Variants in ERC2 observed in about 807,000 individuals in gnomAD.
ERC2 encodes the protein ERC protein 2.
A neutral mutation model predicts 114.8 loss-of-function variants in ERC2; 42 were observed. The ratio of observed to expected loss-of-function variants is 0.37; its 90% confidence interval spans 0.29 to 0.47. The LOEUF (loss-of-function observed/expected upper bound fraction) is 0.47, where lower values mean the gene tolerates loss of function less well. Ranked by LOEUF, ERC2 falls within the 20% of genes least tolerant of loss-of-function variation. The probability of loss-of-function intolerance (pLI) is 0.99; values close to 1 mark genes in which losing one functional copy is unlikely to be tolerated. For missense variants in ERC2, 939 were observed against 1,150.7 expected (o/e 0.82, Z 2.66); for synonymous variants, 454 against 425.5 (o/e 1.07, Z -0.82).
At position 55,732,114 on chromosome 3, in the gene ERC2, T is replaced by A. The variant is rs1258118508; in HGVS notation, c.2712+2657A>T. On this transcript the variant is annotated intron_variant, in intron 15 of 17. Transcript: ENST00000288221. ...GTTATTCCACACCCTGAGCCTCAGT[T>A]ATGCTCCCTAGAAAAGGGAGATAAT... Among the ~76,000 whole-genome samples the A allele has an allele frequency of 3.3e-5, 5 of 152,164 alleles. No individual in the cohort carries two copies. In the East Asian group the frequency reaches 9.7e-4, roughly 29 times the overall value.
intron 9 of ERC2, among the ~76,000 whole-genome samples, chr3:56,009,949 A>G (rs1427292853): frequency 2.0e-5 from 3 of 152,234 alleles, no homozygotes; most frequent in Non-Finnish European, 4.4e-5. Flanking sequence ...CCAGAAGAGC[A>G]GCCACACTTA....
chr3:56,092,401 C>A (rs978601462), intron 6 of ERC2, among the ~76,000 whole-genome samples: 20 of 152,246 alleles, frequency 1.3e-4, no homozygotes, highest in African/African-American at 4.8e-4. Flanking sequence ...AAGTTTTTGG[C>A]TACTTCTTAC....
At chr3:56,017,597 C>G (rs564139513) in intron 8 of ERC2, among the ~76,000 whole-genome samples, 1 of 152,258 alleles carries the variant, frequency 6.6e-6, no homozygotes, top group East Asian at 1.9e-4. Context: ...ACAAGGGCTC[C>G]TGGCTCACCA....
At chr3:56,137,811 G>A (rs1240996710) in intron 6 of ERC2, among the ~76,000 whole-genome samples, 1 of 152,130 alleles carries the variant, frequency 6.6e-6, no homozygotes, top group Non-Finnish European at 1.5e-5. Flanking sequence ...TTGATATGTG[G>A]CTAATGTGAC....
At chr3:56,250,319 T>C (rs1051717205) in intron 3 of ERC2, among the ~76,000 whole-genome samples, 16 of 152,156 alleles carry the variant, frequency 1.1e-4, no homozygotes, top group African/African-American at 3.6e-4. Flanking sequence ...TCCCACAACA[T>C]GAGGCAAGAG....
chr3:55,949,859 T>C (rs1339131325), intron 13 of ERC2, among the ~76,000 whole-genome samples: 1 of 152,180 alleles, frequency 6.6e-6, no homozygotes, highest in Non-Finnish European at 1.5e-5. Context: ...ATAAGGGTGG[T>C]TAATGAGGAA....
chr3:56,428,099 A>G (rs71309954), intron 2 of ERC2, among the ~76,000 whole-genome samples: 9,797 of 152,228 alleles, frequency 0.064, 455 homozygotes, highest in Non-Finnish European at 0.097. Context: ...AGGAGTGAGT[A>G]CATCTGAGTT....
intron 14 of ERC2, among the ~76,000 whole-genome samples, chr3:55,822,168 G>A (rs1428831451): frequency 3.9e-5 from 6 of 152,156 alleles, no homozygotes; most frequent in African/African-American, 1.4e-4. Context: ...ATTTTTAAAT[G>A]TTCTGAGATT....
At chr3:55,920,969 G>A (rs114798982) in intron 13 of ERC2, among the ~76,000 whole-genome samples, 3 of 152,012 alleles carry the variant, frequency 2.0e-5, no homozygotes, top group African/African-American at 7.3e-5. Context: ...CAAACCTAGG[G>A]GGCTAAGTTT....
At chr3:55,599,518 G>A (rs866833098) in intron 17 of ERC2, among the ~76,000 whole-genome samples, 33 of 152,180 alleles carry the variant, frequency 2.2e-4, no homozygotes, top group African/African-American at 8.0e-4. Flanking sequence ...GGTTCATTAT[G>A]TGTGTGTGTT....
intron 7 of ERC2, among the ~76,000 whole-genome samples, chr3:56,052,169 G>T (rs942636393): frequency 1.3e-5 from 2 of 152,168 alleles, no homozygotes; most frequent in Non-Finnish European, 2.9e-5. Context: ...GCGCCATCAA[G>T]GATGCCCTAT....
chr3:56,284,827 C>T (rs1387579191), intron 3 of ERC2, among the ~76,000 whole-genome samples: 1 of 151,972 alleles, frequency 6.6e-6, no homozygotes, highest in African/African-American at 2.4e-5. Flanking sequence ...ACACCACCCC[C>T]AACCCCTCCT....
chr3:55,793,591 TTGA>T (rs2070233088), intron 14 of ERC2, among the ~76,000 whole-genome samples: 1 of 152,220 alleles, frequency 6.6e-6, no homozygotes, highest in African/African-American at 2.4e-5. Context: ...TTTTGACATA[TTGA>T]TGATATAAAT....
At chr3:56,344,597 A>C (rs1224614628) in intron 2 of ERC2, among the ~76,000 whole-genome samples, 2 of 152,174 alleles carry the variant, frequency 1.3e-5, no homozygotes, top group Non-Finnish European at 2.9e-5. Flanking sequence ...TGCATTTACC[A>C]GGTAAATTTA....
At chr3:56,025,524 A>C (rs921526592) in intron 7 of ERC2, among the ~76,000 whole-genome samples, 1 of 152,196 alleles carries the variant, frequency 6.6e-6, no homozygotes, top group African/African-American at 2.4e-5. Context: ...GGCTATATAC[A>C]AAGGCCCTTG....
intron 3 of ERC2, among the ~76,000 whole-genome samples, chr3:56,237,472 T>C (rs1385198080): frequency 6.6e-6 from 1 of 152,158 alleles, no homozygotes; most frequent in Non-Finnish European, 1.5e-5. Flanking sequence ...ACGTTTTCCT[T>C]TTCCTGGGCA....
At chr3:56,127,138 G>GA (rs2079924303) in intron 6 of ERC2, among the ~76,000 whole-genome samples, 1 of 152,056 alleles carries the variant, frequency 6.6e-6, no homozygotes, top group African/African-American at 2.4e-5. Context: ...TTACCACAAT[G>GA]AAAAATATAA....
chr3:56,381,504 C>T (rs1158155014), intron 2 of ERC2, among the ~76,000 whole-genome samples: 1 of 151,982 alleles, frequency 6.6e-6, no homozygotes, highest in Non-Finnish European at 1.5e-5. Flanking sequence ...TGGATCCTCA[C>T]AGTTCAAACC....
At chr3:56,328,718 G>T (rs185355330) in intron 2 of ERC2, among the ~76,000 whole-genome samples, 7 of 152,228 alleles carry the variant, frequency 4.6e-5, no homozygotes, top group African/African-American at 7.2e-5. Flanking sequence ...TACAGACAAG[G>T]AAACTGGGAT....
Sources: allele counts gnomAD v4.1 joint callset (sites outside exome capture counted in the v4.1 genomes callset), GRCh38; gene constraint gnomAD v4.1.1; transcripts MANE v1.5; gene names NCBI Gene and HGNC (gene_info 2026-07-23, HGNC 2026-07-21).